The following CDH13 variants were observed in gnomAD, a reference collection of about 807,000 sequenced individuals.
CDH13 encodes the protein cadherin-13.
In CDH13, 24 loss-of-function variants were observed where a neutral mutation model predicts 63.8. That is an observed-to-expected ratio of 0.38 (90% CI 0.27 to 0.53). The LOEUF is 0.53. CDH13 is among the 20% of genes least tolerant of loss of function. The pLI, the probability that CDH13 is intolerant of heterozygous loss-of-function variation, is 0.85. For missense variants in CDH13, 1,049 were observed against 903.1 expected, an observed-to-expected ratio of 1.16 and a Z score of -2.07; for synonymous variants, 503 against 355.3, an observed-to-expected ratio of 1.42 and a Z score of -4.67.
chr16:82,651,224 G>A (rs1910684949), intron 1 of CDH13, among the ~76,000 whole-genome samples: 1 of 152,148 alleles, frequency 6.6e-6, no homozygotes, highest in Admixed American at 6.5e-5. Context: ...AACTTTTATT[G>A]AGCACTGTCT....
intron 1 of CDH13, among the ~76,000 whole-genome samples, chr16:82,705,754 G>C (rs566419685): frequency 3.9e-5 from 6 of 152,280 alleles, no homozygotes; most frequent in Non-Finnish European, 7.4e-5. Context: ...GCTTATGTCA[G>C]CCTTAGACAA....
chr16:82,800,173 C>G (rs1325739082), intron 1 of CDH13, among the ~76,000 whole-genome samples: 1 of 151,960 alleles, frequency 6.6e-6, no homozygotes, highest in East Asian at 1.9e-4. Context: ...TATGTGTTTA[C>G]TTGGGGTTAA....
intron 10 of CDH13, among the ~76,000 whole-genome samples, chr16:83,688,547 A>T (rs1904535828): frequency 6.6e-6 from 1 of 152,184 alleles, no homozygotes; most frequent in Non-Finnish European, 1.5e-5. Flanking sequence ...TATTATTAAC[A>T]CTTCATCTTA....
chr16:83,218,695 A>C (rs1411250524), intron 5 of CDH13, among the ~76,000 whole-genome samples: 2 of 152,300 alleles, frequency 1.3e-5, no homozygotes, highest in East Asian at 3.9e-4. Flanking sequence ...AATAAATTTC[A>C]TAATTTCTTA....
chr16:82,719,615 G>A (rs2032627489), intron 1 of CDH13: 6 of 348,996 alleles, frequency 1.7e-5, no homozygotes, highest in South Asian at 1.3e-4. Flanking sequence ...ACAAGCCAAG[G>A]TGGGTGGATC....
intron 1 of CDH13, among the ~76,000 whole-genome samples, chr16:82,790,203 G>C (rs909951714): frequency 6.6e-6 from 1 of 152,118 alleles, no homozygotes; most frequent in Admixed American, 6.5e-5. Context: ...TTGGGAGGCC[G>C]AGGCAGGCAG....
At chr16:83,221,248 G>A (rs2039692191) in intron 5 of CDH13, among the ~76,000 whole-genome samples, 1 of 152,124 alleles carries the variant, frequency 6.6e-6, no homozygotes, top group Non-Finnish European at 1.5e-5. Context: ...CTGGCTGGGT[G>A]ATCTATTACT....
intron 5 of CDH13, among the ~76,000 whole-genome samples, chr16:83,237,223 CCT>C (rs2040172141): frequency 6.6e-6 from 1 of 152,202 alleles, no homozygotes; most frequent in Admixed American, 6.5e-5. Context: ...AGAAGAGCAG[CCT>C]CTGCCTGTCT....
intron 10 of CDH13, among the ~76,000 whole-genome samples, chr16:83,737,712 T>C (rs142336010): frequency 6.2e-4 from 94 of 152,340 alleles, no homozygotes; most frequent in South Asian, 8.3e-4. Context: ...GGTCCCATCA[T>C]ATCATCAACA....
At chr16:83,260,558 C>T (rs1304810030) in intron 5 of CDH13, among the ~76,000 whole-genome samples, 2 of 152,168 alleles carry the variant, frequency 1.3e-5, no homozygotes, top group Non-Finnish European at 2.9e-5. Flanking sequence ...ATCGGAATCA[C>T]CCGGGATCCC....
intron 1 of CDH13, among the ~76,000 whole-genome samples, chr16:82,791,953 T>G (rs2036327521): frequency 6.6e-6 from 1 of 152,086 alleles, no homozygotes; most frequent in African/African-American, 2.4e-5. Context: ...TCTTGGGAGC[T>G]CTAAGAACAA....
chr16:82,944,437 G>A (rs755795572), intron 2 of CDH13, among the ~76,000 whole-genome samples: 2 of 152,162 alleles, frequency 1.3e-5, no homozygotes, highest in Non-Finnish European at 2.9e-5. Context: ...TATTAAGGGA[G>A]AATGCATAAG....
chr16:82,909,030 C>T (rs758503256), intron 2 of CDH13, among the ~76,000 whole-genome samples: 2 of 152,154 alleles, frequency 1.3e-5, no homozygotes, highest in Non-Finnish European at 2.9e-5. Flanking sequence ...TGAAACCAAT[C>T]TTCTCCATAT....
intron 4 of CDH13, among the ~76,000 whole-genome samples, chr16:83,200,393 A>G (rs1437727125): frequency 6.6e-6 from 1 of 152,062 alleles, no homozygotes; most frequent in East Asian, 1.9e-4. Context: ...GATACCCAAA[A>G]CTGTACCTCG....
At chr16:82,762,451 T>C (rs2034890107) in intron 1 of CDH13, among the ~76,000 whole-genome samples, 1 of 152,188 alleles carries the variant, frequency 6.6e-6, no homozygotes, top group Non-Finnish European at 1.5e-5. Context: ...CCACAGAGTA[T>C]TAATAGAAAA....
chr16:83,576,109 T>C (rs1451003823), intron 7 of CDH13, among the ~76,000 whole-genome samples: 3 of 152,190 alleles, frequency 2.0e-5, no homozygotes, highest in South Asian at 2.1e-4. Flanking sequence ...TCTTAAAATA[T>C]CTTTATCATC....
Position 83,372,424 on chromosome 16 carries a change from A to G in CDH13, c.781+27418A>G, listed in dbSNP as rs144944370. On this transcript the variant is annotated intron_variant, in intron 6 of 13. Coordinates refer to ENST00000567109, the MANE Select transcript of CDH13 (RefSeq NM_001257.5). The stretch of plus-strand genomic sequence containing the variant: ...TCCCCAAATTCAGTGCAAAAAATAT[A>G]TATGCTGAGTTTTTCATGGGCCAGG... Among the ~76,000 whole-genome samples, 93 of 152,246 alleles carry G rather than the reference A, an allele frequency of 6.1e-4. 1 individual carries two copies. The highest frequency in any genetic ancestry group is 5.3e-4 in the Non-Finnish European group (36 of 68,022).
intron 5 of CDH13, among the ~76,000 whole-genome samples, chr16:83,233,992 A>G (rs907915434): frequency 1.3e-5 from 2 of 152,118 alleles, no homozygotes; most frequent in African/African-American, 2.4e-5. Flanking sequence ...GACCCCAGCT[A>G]TTGTCATCTT....
intron 6 of CDH13, among the ~76,000 whole-genome samples, chr16:83,412,506 A>G (rs949272336): frequency 6.6e-6 from 1 of 152,198 alleles, no homozygotes; most frequent in Non-Finnish European, 1.5e-5. Context: ...TGTGTCTACA[A>G]ACAGAGGTTT....
Sources: allele counts gnomAD v4.1 joint callset (sites outside exome capture counted in the v4.1 genomes callset), GRCh38; gene constraint gnomAD v4.1.1; transcripts MANE v1.5; gene names NCBI Gene and HGNC (gene_info 2026-07-23, HGNC 2026-07-21).